Variants in TAFA1 observed in about 807,000 individuals in gnomAD.
TAFA1 encodes the protein chemokine-like protein TAFA-1.
In TAFA1, 4 loss-of-function variants were observed where a neutral mutation model predicts 18.5. The observed-to-expected ratio is 0.22, with a 90% CI of 0.11 to 0.49. The LOEUF (loss-of-function observed/expected upper bound fraction) is 0.49, where lower values mean the gene tolerates loss of function less well. Among genes scored for constraint, TAFA1 ranks in the 20% least tolerant of loss-of-function variants. The pLI is 0.98. For missense variants in TAFA1, 147 were observed against 169.0 expected (o/e 0.87, Z 0.72); for synonymous variants, 56 against 55.2 (o/e 1.01, Z -0.06).
intron 2 of TAFA1, among the ~76,000 whole-genome samples, chr3:68,187,220 C>T (rs1217647131): frequency 6.6e-6 from 1 of 151,912 alleles, no homozygotes; most frequent in Non-Finnish European, 1.5e-5. Flanking sequence ...TAAGCAGCCT[C>T]TCATTATCTT....
chr3:68,225,370 C>T (rs534009246), intron 2 of TAFA1, among the ~76,000 whole-genome samples: 12 of 152,030 alleles, frequency 7.9e-5, no homozygotes, highest in Non-Finnish European at 1.6e-4. Flanking sequence ...TTTATAGGGT[C>T]ATCTATTTAA....
In TAFA1 at chr3:68,356,649, A is replaced by C. The variant is rs187316785; in HGVS notation, c.119-60631A>C. ...GGCTTCTCACACCAAAGATCCTAAA[A>C]CTTAGAGAGATTATATGATTTCCCA... On this transcript the variant is annotated intron_variant, in intron 2 of 4. Transcript: ENST00000478136. Among the ~76,000 whole-genome samples the C allele has an allele frequency of 5.3e-5, 8 of 151,910 alleles. No homozygotes were observed. In the East Asian group the frequency reaches 1.6e-3, roughly 30 times the overall value.
the TAFA1 span, among the ~76,000 whole-genome samples, chr3:67,997,951 A>G: frequency 5.5e-3 from 839 of 152,242 alleles, 6 homozygotes; most frequent in African/African-American, 0.019. Context: ...GCACCATTAG[A>G]GGACTGACAT....
chr3:68,465,428 A>T (rs1024523033), intron 3 of TAFA1, among the ~76,000 whole-genome samples: 3 of 152,300 alleles, frequency 2.0e-5, no homozygotes, highest in South Asian at 2.1e-4. Flanking sequence ...TGGATGTTCC[A>T]TTACTTGCAG....
intron 2 of TAFA1, among the ~76,000 whole-genome samples, chr3:68,389,291 A>C (rs1017240519): frequency 6.6e-6 from 1 of 152,222 alleles, no homozygotes; most frequent in Non-Finnish European, 1.5e-5. Flanking sequence ...CAGAGGAAAC[A>C]CTGGCCATAC....
chr3:68,507,311 T>C (rs2072774981), intron 3 of TAFA1, among the ~76,000 whole-genome samples: 1 of 152,036 alleles, frequency 6.6e-6, no homozygotes, highest in African/African-American at 2.4e-5. Flanking sequence ...AGAACCATGA[T>C]GAGACAGGAT....
upstream of TAFA1, among the ~76,000 whole-genome samples, chr3:67,999,267 TCCCCCCCC>T (rs66913469): frequency 7.0e-5 from 10 of 143,146 alleles, no homozygotes; most frequent in Non-Finnish European, 1.4e-4. Flanking sequence ...ATTCTCTCTA[TCCCCCCCC>T]CCCCCCTCTC....
chr3:68,310,033 A>G (rs1412019050), intron 2 of TAFA1, among the ~76,000 whole-genome samples: 2 of 152,348 alleles, frequency 1.3e-5, no homozygotes, highest in South Asian at 2.1e-4. Context: ...TAATTTATCA[A>G]TAATTATTGA....
Position 68,532,743 on chromosome 3 carries a change from A to G in TAFA1, c.260-6013A>G, listed in dbSNP as rs575381569. On this transcript the variant is annotated intron_variant, in intron 3 of 4. Coordinates refer to ENST00000478136, the MANE Select transcript of TAFA1 (RefSeq NM_213609.4). ...GATCAATTCTCTTTCAATAACCTGA[A>G]GGTTTTCAGGTAGCTTTCAGTTTGG... Among the ~76,000 whole-genome samples the G allele has an allele frequency of 2.6e-5, 4 of 152,242 alleles. No homozygotes were observed. The South Asian group carries it at 6.2e-4, about 24-fold the overall frequency.
chr3:68,100,827 A>T (rs1164893031), intron 2 of TAFA1, among the ~76,000 whole-genome samples: 1 of 152,120 alleles, frequency 6.6e-6, no homozygotes, highest in Non-Finnish European at 1.5e-5. Context: ...TGATGTAGGA[A>T]AGATACCCAT....
At chr3:68,207,522 C>T (rs753805709) in intron 2 of TAFA1, among the ~76,000 whole-genome samples, 4 of 151,746 alleles carry the variant, frequency 2.6e-5, no homozygotes, top group Non-Finnish European at 5.9e-5. Context: ...TTCGCAGAGC[C>T]CCACCTCAGA....
chr3:68,190,263 T>C (rs4276186), intron 2 of TAFA1, among the ~76,000 whole-genome samples: 100,526 of 151,690 alleles, frequency 0.66, 34,043 homozygotes, highest in South Asian at 0.77. Flanking sequence ...TATCTTGCTT[T>C]CACTCATTAC....
intron 2 of TAFA1, among the ~76,000 whole-genome samples, chr3:68,262,561 G>T (rs528665483): frequency 9.6e-4 from 146 of 151,860 alleles, no homozygotes; most frequent in African/African-American, 3.4e-3. Flanking sequence ...GGGTTAATTT[G>T]CTTGGAATAA....
At chr3:68,335,815 A>G (rs1369962955) in intron 2 of TAFA1, among the ~76,000 whole-genome samples, 2 of 152,216 alleles carry the variant, frequency 1.3e-5, no homozygotes. Flanking sequence ...TGCCCTTAGA[A>G]AAGAAGAAAA....
intron 2 of TAFA1, among the ~76,000 whole-genome samples, chr3:68,320,555 C>T (rs1217374630): frequency 6.6e-6 from 1 of 152,136 alleles, no homozygotes; most frequent in East Asian, 1.9e-4. Flanking sequence ...AAAGGCCTGT[C>T]ATGATCCCAC....
At chr3:68,027,028 C>T (rs1704831430) in intron 2 of TAFA1, among the ~76,000 whole-genome samples, 2 of 151,900 alleles carry the variant, frequency 1.3e-5, no homozygotes, top group African/African-American at 4.8e-5. Context: ...GGGGAGGTGG[C>T]ACACACTTTT....
At chr3:68,140,174 T>C (rs6785163) in intron 2 of TAFA1, among the ~76,000 whole-genome samples, 147,273 of 152,290 alleles carry the variant, frequency 0.97, 71,249 homozygotes, top group African/African-American at 0.99. Context: ...TCACAGCCTA[T>C]GTGGGAGGCT....
chr3:68,117,451 C>A (rs2065337728), intron 2 of TAFA1, among the ~76,000 whole-genome samples: 1 of 151,958 alleles, frequency 6.6e-6, no homozygotes, highest in South Asian at 2.1e-4. Flanking sequence ...TGCTATAATC[C>A]CCAGCTGAAT....
chr3:68,165,754 C>T (rs2065975189), intron 2 of TAFA1, among the ~76,000 whole-genome samples: 1 of 152,174 alleles, frequency 6.6e-6, no homozygotes, highest in South Asian at 2.1e-4. Flanking sequence ...CAGACAAAAC[C>T]CTCCCCTCTT....
Sources: gnomAD v4.1 joint callset for allele counts (sites outside exome capture counted in the v4.1 genomes callset) on GRCh38, gnomAD v4.1.1 for gene constraint, MANE v1.5 for transcripts, NCBI Gene and HGNC (gene_info 2026-07-23, HGNC 2026-07-21) for gene names.